The following MYO1B variants were observed in gnomAD, a reference collection of about 807,000 sequenced individuals.
MYO1B encodes the protein unconventional myosin-Ib.
MYO1B carries 72 observed loss-of-function variants against 159.7 expected under a neutral mutation model. The ratio of observed to expected loss-of-function variants is 0.45; its 90% CI spans 0.37 to 0.55. MYO1B has a LOEUF of 0.55. Ranked by LOEUF, MYO1B falls within the 20% of genes least tolerant of loss-of-function variation. The pLI is 0.00. For synonymous variants in MYO1B, 468 were observed against 473.8 expected, an observed-to-expected ratio of 0.99 and a Z score of 0.16; for missense variants, 1,062 against 1,364.8, an observed-to-expected ratio of 0.78 and a Z score of 3.50.
chr2:191,402,592 A>G (rs997748224), intron 23 of MYO1B, 40 bp from the exon 24 acceptor site: 1 of 1,558,248 alleles, frequency 6.4e-7, no homozygotes, highest in African/African-American at 1.4e-5. Flanking sequence ...TGCTGTCTGC[A>G]TTGGGCTGTC....
chr2:191,391,094 G>A (rs1878614), intron 18 of MYO1B, among the ~76,000 whole-genome samples: 123,516 of 152,166 alleles, frequency 0.81, 54,251 homozygotes, highest in Non-Finnish European at 0.98. Context: ...CATGTCCTGT[G>A]AGCTCTCCAC....
At chr2:191,321,338 G>T (rs1690698021) in intron 3 of MYO1B, among the ~76,000 whole-genome samples, 1 of 152,088 alleles carries the variant, frequency 6.6e-6, no homozygotes, top group Admixed American at 6.6e-5. Context: ...CTGTAACAAA[G>T]TCATAAAAAT....
intron 19 of MYO1B, 125 bp from the exon 20 acceptor site, chr2:191,392,948 T>C (rs1165609647): frequency 1.3e-6 from 1 of 778,584 alleles, no homozygotes; most frequent in African/African-American, 1.7e-5. Context: ...CATATGGTTT[T>C]TCAGTTCTTT....
At chr2:191,368,776 C>T (rs1021742671) in intron 11 of MYO1B, among the ~76,000 whole-genome samples, 1 of 151,994 alleles carries the variant, frequency 6.6e-6, no homozygotes, top group Non-Finnish European at 1.5e-5. Context: ...GAGTTTGAGA[C>T]CAGTCTGGCT....
chr2:191,363,251 C>T lies in MYO1B; in HGVS notation c.766-477C>T, dbSNP rs573821937. Among the ~76,000 whole-genome samples, 4 of 152,256 alleles carry T rather than the reference C, an allele frequency of 2.6e-5. No homozygotes were observed. The South Asian group carries it at 8.3e-4, about 32-fold the overall frequency. Reference sequence around the variant, plus strand: ...GGTTTTAGAACCACTTTGCCTGGCACGTAATTGGCACTCCGTAAAAATTTA... The same window carrying T: ...GGTTTTAGAACCACTTTGCCTGGCATGTAATTGGCACTCCGTAAAAATTTA... On this transcript the variant is annotated intron_variant, in intron 9 of 30. Transcript: ENST00000392318.
intron 13 of MYO1B, among the ~76,000 whole-genome samples, chr2:191,371,550 A>G (rs1006966905): frequency 1.4e-4 from 21 of 152,332 alleles, no homozygotes; most frequent in African/African-American, 5.1e-4. Flanking sequence ...TCCTCAGGTC[A>G]ACTAACTCCC....
chr2:191,279,371 T>C (rs1021266101), intron 2 of MYO1B, among the ~76,000 whole-genome samples: 1 of 152,176 alleles, frequency 6.6e-6, no homozygotes, highest in Non-Finnish European at 1.5e-5. Flanking sequence ...TGTACATATG[T>C]TTGTATATAT....
At chr2:191,317,961 C>A (rs907663173) in intron 3 of MYO1B, among the ~76,000 whole-genome samples, 1 of 152,040 alleles carries the variant, frequency 6.6e-6, no homozygotes, top group African/African-American at 2.4e-5. Flanking sequence ...AATTTTATTT[C>A]TTTTTTTGCA....
chr2:191,352,847 G>A (rs1176907126), intron 7 of MYO1B, among the ~76,000 whole-genome samples: 1 of 152,188 alleles, frequency 6.6e-6, no homozygotes, highest in Non-Finnish European at 1.5e-5. Flanking sequence ...ACCAACTGGT[G>A]TTCTCTCCAA....
chr2:191,247,981 G>A (rs1380116970), intron 1 of MYO1B: 2 of 985,324 alleles, frequency 2.0e-6, no homozygotes, highest in East Asian at 2.3e-4. Flanking sequence ...AGGAACGTCT[G>A]ACATCATGGG....
chr2:191,303,815 G>C (rs1205771472), intron 3 of MYO1B, among the ~76,000 whole-genome samples: 1 of 152,198 alleles, frequency 6.6e-6, no homozygotes, highest in South Asian at 2.1e-4. Context: ...CTTTGCATCT[G>C]TCCAGGCCTC....
intron 2 of MYO1B, among the ~76,000 whole-genome samples, chr2:191,282,257 T>A (rs1346305856): frequency 6.6e-6 from 1 of 152,206 alleles, no homozygotes; most frequent in Non-Finnish European, 1.5e-5. Context: ...ATCTTGCTAT[T>A]CCTGGGGTCA....
At chr2:191,365,160 A>G (rs1442924903) in intron 11 of MYO1B, among the ~76,000 whole-genome samples, 1 of 152,124 alleles carries the variant, frequency 6.6e-6, no homozygotes, top group Non-Finnish European at 1.5e-5. Flanking sequence ...AGCCCCTTTC[A>G]CTAAAACCCT....
At chr2:191,277,946 T>C (rs1488051065) in intron 2 of MYO1B, among the ~76,000 whole-genome samples, 3 of 152,174 alleles carry the variant, frequency 2.0e-5, no homozygotes, top group Non-Finnish European at 2.9e-5. Context: ...GAAGTATAAA[T>C]AAATAAAAGA....
intron 21 of MYO1B, among the ~76,000 whole-genome samples, chr2:191,397,141 T>TTC (rs1696150281): frequency 8.2e-6 from 1 of 121,668 alleles, no homozygotes; most frequent in Non-Finnish European, 1.6e-5. Flanking sequence ...TTTTTTTTTT[T>TTC]TTTTTTTTTT....
intron 29 of MYO1B, among the ~76,000 whole-genome samples, chr2:191,415,221 T>G (rs886456882): frequency 1.3e-5 from 2 of 152,222 alleles, no homozygotes; most frequent in Admixed American, 6.5e-5. Flanking sequence ...AGTGCCTACT[T>G]CATAGCATTG....
Position 191,400,387 on chromosome 2 carries a change from A to C in MYO1B, c.2301A>C (p.Arg767=). 4.3e-6 allele frequency: 7 copies of C among 1,614,054 alleles called. No homozygotes were observed. The highest frequency in any genetic ancestry group is 5.9e-6 in the Non-Finnish European group (7 of 1,180,008). ...IQSYIRGWKA[R]KILRELKHQK... ...TGGGTGATTCTGCCCTTTAGGCTCG[A>C]AAAATTCTGCGGGAACTGAAGCATC... is the stretch of plus-strand genomic sequence containing the variant. Residue 767 remains arginine (R), a synonymous_variant, in exon 22 of 31, where the codon CGA becomes CGC. Transcript: ENST00000392318.
At position 191,277,000 on chromosome 2, in the gene MYO1B, C is replaced by T; in HGVS notation, c.105C>T (p.Leu35=). Residue 35 remains leucine, a synonymous_variant, in exon 2 of 31, where the codon CTC becomes CTT. Transcript: ENST00000392318. The part of the protein sequence containing the change: ...PLNEETFINN[L]KKRFDHSEIY... ...ATGAGGAGACCTTCATCAACAACCT[C>T]AAGAAGCGCTTTGACCACAGTGAAA... The T allele has an allele frequency of 6.2e-7, 1 of 1,613,954 alleles. No homozygotes were observed. The highest frequency in any genetic ancestry group is 8.5e-7 in the Non-Finnish European group (1 of 1,179,968).
chr2:191,304,179 C>A (rs894782507), intron 3 of MYO1B, among the ~76,000 whole-genome samples: 2 of 152,176 alleles, frequency 1.3e-5, no homozygotes, highest in African/African-American at 4.8e-5. Flanking sequence ...GGGCGTCGCA[C>A]CTAATTAGCT....
Sources: gnomAD v4.1 joint callset for allele counts (sites outside exome capture counted in the v4.1 genomes callset) on GRCh38, gnomAD v4.1.1 for gene constraint, MANE v1.5 for transcripts, NCBI Gene and HGNC (gene_info 2026-07-23, HGNC 2026-07-21) for gene names.